The following COLGALT2 variants were observed in gnomAD, a reference collection of about 807,000 sequenced individuals.
The protein encoded by COLGALT2 is collagen beta(1-O)galactosyltransferase 2, also known as procollagen galactosyltransferase 2.
A neutral mutation model predicts 73.4 loss-of-function variants in COLGALT2; 49 were observed. The ratio of observed to expected loss-of-function variants is 0.67; its 90% CI spans 0.53 to 0.85. The LOEUF is 0.85. Ranked by LOEUF, COLGALT2 falls within the 40% of genes least tolerant of loss-of-function variation. The probability of loss-of-function intolerance (pLI) is 0.00; values close to 1 mark genes in which losing one functional copy is unlikely to be tolerated. For synonymous variants in COLGALT2, 295 were observed against 307.6 expected, an observed-to-expected ratio of 0.96 and a Z score of 0.43; for missense variants, 722 against 790.2, an observed-to-expected ratio of 0.91 and a Z score of 1.03.
chr1:183,961,000 A>G (rs371990497), intron 6 of COLGALT2, among the ~76,000 whole-genome samples: 1 of 152,204 alleles, frequency 6.6e-6, no homozygotes, highest in Non-Finnish European at 1.5e-5. Flanking sequence ...TTAGAGAAGG[A>G]TACTTGACTG....
At chr1:183,932,723 C>CT (rs767312551), downstream of COLGALT2, among the ~76,000 whole-genome samples, 10 of 152,172 alleles carry the variant, frequency 6.6e-5, no homozygotes, top group Non-Finnish European at 1.5e-4. Context: ...AGTGGGCACT[C>CT]TCGCTGGACG....
intron 2 of COLGALT2, among the ~76,000 whole-genome samples, chr1:183,976,938 C>A (rs3010048): frequency 0.63 from 95,890 of 152,046 alleles, 32,228 homozygotes; most frequent in Non-Finnish European, 0.77. Flanking sequence ...CCAGGACCTG[C>A]ACAAGCAACA....
At chr1:184,020,172 A>G (rs1226865414) in intron 1 of COLGALT2, among the ~76,000 whole-genome samples, 1 of 152,182 alleles carries the variant, frequency 6.6e-6, no homozygotes, top group African/African-American at 2.4e-5. Context: ...TGACACTGCC[A>G]TTGATGACAG....
At chr1:183,977,836 A>AGAAAGAAG (rs1263866415) in intron 2 of COLGALT2, among the ~76,000 whole-genome samples, 9 of 132,358 alleles carry the variant, frequency 6.8e-5, no homozygotes, top group African/African-American at 2.7e-4. Flanking sequence ...GAGAGAGAGA[A>AGAAAGAAG]AGAAGAGAAG....
At chr1:183,975,289 T>A in intron 2 of COLGALT2, 75 bp from the exon 3 acceptor site, 1 of 809,250 alleles carries the variant, frequency 1.2e-6, no homozygotes, top group Non-Finnish European at 2.0e-6. Context: ...TTTATATGTA[T>A]TCATTTAATC....
chr1:183,996,857 C>G (rs1055479423), intron 1 of COLGALT2, among the ~76,000 whole-genome samples: 22 of 152,158 alleles, frequency 1.4e-4, no homozygotes, highest in Non-Finnish European at 2.8e-4. Context: ...TGAATATGCA[C>G]CCAGAGGGCA....
At chr1:183,990,977 G>C (rs1447244263) in intron 1 of COLGALT2, among the ~76,000 whole-genome samples, 1 of 152,218 alleles carries the variant, frequency 6.6e-6, no homozygotes, top group African/African-American at 2.4e-5. Flanking sequence ...CTGTTAGCAT[G>C]AGCATGCATT....
intron 1 of COLGALT2, among the ~76,000 whole-genome samples, chr1:184,015,973 G>C (rs928041158): frequency 4.7e-4 from 71 of 152,308 alleles, no homozygotes; most frequent in African/African-American, 1.6e-3. Flanking sequence ...AAGTTAAAAT[G>C]TCAAAGGTGA....
chr1:183,975,527 G>A (rs905578071), intron 2 of COLGALT2, among the ~76,000 whole-genome samples: 13 of 152,150 alleles, frequency 8.5e-5, no homozygotes, highest in African/African-American at 2.7e-4. Flanking sequence ...TAAGTCATTC[G>A]TCCAATGTTA....
At chr1:183,984,567 G>A (rs767176726) in intron 1 of COLGALT2, among the ~76,000 whole-genome samples, 8 of 152,176 alleles carry the variant, frequency 5.3e-5, no homozygotes, top group Non-Finnish European at 1.2e-4. Flanking sequence ...TTTTAGGGGA[G>A]CTGTGGCCCT....
chr1:183,965,868 T>G (rs1483443486), intron 5 of COLGALT2, among the ~76,000 whole-genome samples: 1 of 152,174 alleles, frequency 6.6e-6, no homozygotes, highest in African/African-American at 2.4e-5. Context: ...ACAAGAACAC[T>G]GACCATCAAT....
Position 183,940,588 on chromosome 1 carries a change from GC to G in COLGALT2, c.1596del (p.Lys532AsnfsTer4), listed in dbSNP as rs1287089450. ...CAGTTCAGGGAGACTCACACGGGAT[GC>G]TTGTTGTACATGACTGGCAGAAACT... ...VDEFLPVMYN[K>X]HPVAEYKEYY... On this transcript the variant is annotated frameshift_variant, in exon 11 of 12. Coordinates refer to ENST00000361927, the MANE Select transcript of COLGALT2 (RefSeq NM_015101.4). LOFTEE classifies it high-confidence loss of function. 1 of 1,614,176 alleles carries G rather than the reference GC, an allele frequency of 6.2e-7. No individual in the cohort carries two copies. The highest frequency in any genetic ancestry group is 1.3e-5 in the African/African-American group (1 of 75,056).
intron 4 of COLGALT2, among the ~76,000 whole-genome samples, chr1:183,972,283 T>G (rs1671058924): frequency 6.6e-6 from 1 of 152,192 alleles, no homozygotes; most frequent in Non-Finnish European, 1.5e-5. Context: ...AATTTTTTGA[T>G]TTGTTGTAGA....
intron 6 of COLGALT2, among the ~76,000 whole-genome samples, chr1:183,962,081 T>A (rs1002635573): frequency 3.1e-4 from 47 of 151,852 alleles, no homozygotes; most frequent in African/African-American, 1.1e-3. Context: ...GGGAAGCAGA[T>A]ACTCATAGAC....
At chr1:183,932,619 C>T (rs1035400904), downstream of COLGALT2, among the ~76,000 whole-genome samples, 1 of 152,118 alleles carries the variant, frequency 6.6e-6, no homozygotes, top group African/African-American at 2.4e-5. Flanking sequence ...GTCCAGGGCT[C>T]CTGCAGCTTG....
At position 183,938,209 on chromosome 1, in the gene COLGALT2, T is replaced by TAA. The variant is rs36161033; in HGVS notation, c.*550_*551dup. ...AACAGGGACTAAGATTTTTTTTTTT[T>TAA]AAAAAATCTACTTTTCAATAAGACT... On this transcript the variant is annotated 3_prime_UTR_variant, in exon 12 of 12. Coordinates refer to ENST00000361927, the MANE Select transcript of COLGALT2 (RefSeq NM_015101.4). 2 of 912,000 alleles carry TAA rather than the reference T, an allele frequency of 2.2e-6. No homozygotes were observed. The highest frequency in any genetic ancestry group is 2.6e-6 in the Non-Finnish European group (2 of 769,344). 56.5% of individuals were successfully genotyped at this position (912,000 alleles called of 1,614,324 possible).
chr1:183,940,932 G>A, intron 10 of COLGALT2, 145 bp from the exon 11 acceptor site: 1 of 738,448 alleles, frequency 1.4e-6, no homozygotes, highest in Non-Finnish European at 2.3e-6. Flanking sequence ...ATCCAAAAGT[G>A]GATCCAATCG....
intron 1 of COLGALT2, among the ~76,000 whole-genome samples, chr1:183,992,495 G>A (rs186233903): frequency 2.5e-4 from 38 of 152,286 alleles, no homozygotes; most frequent in African/African-American, 9.1e-4. Flanking sequence ...CCATCTTCAT[G>A]CCTCAGAAAT....
At chr1:184,033,862 G>A (rs1466734059) in intron 1 of COLGALT2, among the ~76,000 whole-genome samples, 3 of 152,202 alleles carry the variant, frequency 2.0e-5, no homozygotes, top group Non-Finnish European at 4.4e-5. Context: ...AGTTATTGTG[G>A]TCAGATTCAG....
Sources: allele counts gnomAD v4.1 joint callset (sites outside exome capture counted in the v4.1 genomes callset), GRCh38; gene constraint gnomAD v4.1.1; transcripts MANE v1.5; gene names NCBI Gene and HGNC (gene_info 2026-07-23, HGNC 2026-07-21).